The following EXT1 variants were observed in gnomAD, a reference collection of about 807,000 sequenced individuals.
The protein encoded by EXT1 is exostosin-1.
In EXT1, 20 loss-of-function variants were observed where a neutral mutation model predicts 82.5. The observed-to-expected ratio is 0.24, with a 90% CI of 0.17 to 0.35. EXT1 has a LOEUF of 0.35. EXT1 is among the 10% of genes least tolerant of loss of function. The pLI, the probability that EXT1 is intolerant of heterozygous loss-of-function variation, is 1.00. For missense variants in EXT1, 757 were observed against 936.5 expected (o/e 0.81, Z 2.50); for synonymous variants, 348 against 350.8 (o/e 0.99, Z 0.09).
chr8:117,963,674 G>A (rs1484705672), intron 1 of EXT1, among the ~76,000 whole-genome samples: 2 of 152,016 alleles, frequency 1.3e-5, no homozygotes, highest in Non-Finnish European at 1.5e-5. Flanking sequence ...ATTTTTAGTG[G>A]AGATGGGGTT....
intron 1 of EXT1, among the ~76,000 whole-genome samples, chr8:117,860,259 CA>C (rs1772597665): frequency 6.6e-6 from 1 of 151,672 alleles, no homozygotes; most frequent in East Asian, 1.9e-4. Flanking sequence ...AAGAGAAAGC[CA>C]AAAACTGCAT....
chr8:117,812,826 A>AAGT, intron 8 of EXT1, 46 bp downstream of exon 8: 1 of 1,510,480 alleles, frequency 6.6e-7, no homozygotes, highest in Non-Finnish European at 9.2e-7. Context: ...ACATGAGGTG[A>AAGT]CTGCCTGAAC....
At chr8:118,079,364 A>T (rs1158917488) in intron 1 of EXT1, among the ~76,000 whole-genome samples, 1 of 152,184 alleles carries the variant, frequency 6.6e-6, no homozygotes, top group Non-Finnish European at 1.5e-5. Flanking sequence ...CTCGAATAAA[A>T]CCTTTTTGGT....
intron 1 of EXT1, among the ~76,000 whole-genome samples, chr8:118,054,600 T>A (rs1229991363): frequency 6.6e-6 from 1 of 152,162 alleles, no homozygotes; most frequent in African/African-American, 2.4e-5. Flanking sequence ...GATACTGCCA[T>A]CTCCATTTTT....
intron 1 of EXT1, among the ~76,000 whole-genome samples, chr8:117,970,002 CA>C (rs1247989332): frequency 6.6e-6 from 1 of 152,092 alleles, no homozygotes; most frequent in African/African-American, 2.4e-5. Context: ...TGCTCTACCA[CA>C]AAAAAGCCAT....
intron 1 of EXT1, among the ~76,000 whole-genome samples, chr8:117,909,947 T>G (rs770263068): frequency 4.6e-5 from 7 of 152,120 alleles, no homozygotes; most frequent in South Asian, 2.1e-4. Flanking sequence ...TTTGTATTTT[T>G]AGTAGAGACG....
At chr8:117,930,989 A>T (rs761464637) in intron 1 of EXT1, among the ~76,000 whole-genome samples, 14 of 152,248 alleles carry the variant, frequency 9.2e-5, no homozygotes, top group Non-Finnish European at 2.1e-4. Context: ...TACAGATGCC[A>T]TGGCAATGCC....
chr8:118,056,053 C>A (rs1816788703), intron 1 of EXT1, among the ~76,000 whole-genome samples: 1 of 151,234 alleles, frequency 6.6e-6, no homozygotes, highest in African/African-American at 2.4e-5. Context: ...TACATTAACA[C>A]TTGTGATAGC....
rs753917220 is a variant in EXT1, at chr8:117,819,668, C to A, written c.1536+8G>T. The stretch of plus-strand genomic sequence containing the variant: ...AGGCAGGGGCTTCTCTGTCAACTTC[C>A]CGCTCACCTGGGCACAGTACTGGGA... On this transcript the variant is annotated splice_region_variant and intron_variant, in intron 6 of 10. Transcript: ENST00000378204. 7 of 1,611,302 alleles carry A rather than the reference C, an allele frequency of 4.3e-6. No individual in the cohort carries two copies. Among genetic ancestry groups the A allele is most frequent in the Non-Finnish European group, 5.1e-6 (6 of 1,179,136 alleles).
rs1335788758 is a variant in EXT1 at position 118,110,783 on chromosome 8, G to A, written c.264C>T (p.Ala88=). Residue 88 remains alanine (A), a synonymous_variant, in exon 1 of 11, where the codon GCC becomes GCT. Transcript: ENST00000378204. ...TCTTGCCTTTGTAGATGCTGGAGTT[G>A]GCATCTCGCTTCTGCCGGGGGGAAA... is the stretch of plus-strand genomic sequence containing the variant. ...VHISPRQKRD[A]NSSIYKGKKC... 1 of 1,613,656 alleles carries A rather than the reference G, an allele frequency of 6.2e-7. No homozygotes were observed. Among genetic ancestry groups the A allele is most frequent in the Non-Finnish European group, 8.5e-7 (1 of 1,179,750 alleles).
At chr8:117,901,494 G>A (rs553153995) in intron 1 of EXT1, among the ~76,000 whole-genome samples, 1 of 152,080 alleles carries the variant, frequency 6.6e-6, no homozygotes, top group South Asian at 2.1e-4. Flanking sequence ...GGGCATGACT[G>A]TACACTGTTA....
At chr8:118,066,998 T>C (rs534674915) in intron 1 of EXT1, among the ~76,000 whole-genome samples, 7 of 152,360 alleles carry the variant, frequency 4.6e-5, no homozygotes, top group East Asian at 1.9e-4. Context: ...AAATGGGGAA[T>C]AGACAGCTGC....
intron 1 of EXT1, among the ~76,000 whole-genome samples, chr8:117,900,735 T>C (rs1031739774): frequency 5.3e-5 from 8 of 152,170 alleles, no homozygotes; most frequent in Non-Finnish European, 7.3e-5. Context: ...AGCCCTCTGC[T>C]CTCACAAGCC....
chr8:118,101,132 T>C (rs1422379441), intron 1 of EXT1, among the ~76,000 whole-genome samples: 1 of 152,198 alleles, frequency 6.6e-6, no homozygotes, highest in East Asian at 1.9e-4. Flanking sequence ...GTTTACAAGG[T>C]ACAGTCTCAC....
intron 1 of EXT1, among the ~76,000 whole-genome samples, chr8:117,924,154 C>A (rs1359631576): frequency 6.6e-6 from 1 of 152,202 alleles, no homozygotes; most frequent in African/African-American, 2.4e-5. Context: ...ATATGGCCAA[C>A]TCTAAAACTG....
intron 4 of EXT1, among the ~76,000 whole-genome samples, chr8:117,829,705 C>T (rs1281431224): frequency 1.3e-5 from 2 of 150,592 alleles, no homozygotes; most frequent in African/African-American, 2.4e-5. Flanking sequence ...TCCCGAGTAG[C>T]TGGGATTACA....
intron 1 of EXT1, among the ~76,000 whole-genome samples, chr8:117,891,985 T>G (rs1349554842): frequency 6.6e-6 from 1 of 152,048 alleles, no homozygotes. Context: ...TTTTGTATTT[T>G]TAGTAGAGGC....
intron 1 of EXT1, among the ~76,000 whole-genome samples, chr8:117,962,788 T>C (rs923658908): frequency 2.6e-5 from 2 of 77,464 alleles, no homozygotes; most frequent in African/African-American, 4.7e-5. Flanking sequence ...AGAGAAAAAA[T>C]GGTGGCACAC....
intron 1 of EXT1, among the ~76,000 whole-genome samples, chr8:118,088,324 G>T (rs181875186): frequency 4.4e-4 from 67 of 152,276 alleles, no homozygotes; most frequent in African/African-American, 1.5e-3. Flanking sequence ...AAATCGGGTA[G>T]ATCCCTTCTG....
Sources: allele counts gnomAD v4.1 joint callset (sites outside exome capture counted in the v4.1 genomes callset), GRCh38; gene constraint gnomAD v4.1.1; transcripts MANE v1.5; gene names NCBI Gene and HGNC (gene_info 2026-07-23, HGNC 2026-07-21).